HK1: variants seen among roughly 807,000 people sequenced by gnomAD.
The protein encoded by HK1 is hexokinase 1, also known as hexokinase-1.
In HK1, 28 loss-of-function variants were observed where a neutral mutation model predicts 91.6. The observed-to-expected ratio is 0.31, with a 90% CI of 0.23 to 0.42. The LOEUF (loss-of-function observed/expected upper bound fraction) is 0.42, where lower values mean the gene tolerates loss of function less well. Ranked by LOEUF, HK1 falls within the 10% of genes least tolerant of loss-of-function variation. The pLI is 1.00. For synonymous variants in HK1, 430 were observed against 468.1 expected, an observed-to-expected ratio of 0.92 and a Z score of 1.05; for missense variants, 770 against 1,219.8, an observed-to-expected ratio of 0.63 and a Z score of 5.49.
chr10:69,362,849 C>T (rs537133221), intron 3 of HK1, among the ~76,000 whole-genome samples: 5 of 152,204 alleles, frequency 3.3e-5, no homozygotes, highest in Non-Finnish European at 7.3e-5. Flanking sequence ...GCCGGCTTCT[C>T]TGGGGAGGGT....
intron 15 of HK1, 63 bp from the exon 16 acceptor site, chr10:69,394,887 C>T (rs963598452): frequency 2.6e-5 from 40 of 1,553,158 alleles, no homozygotes; most frequent in Non-Finnish European, 3.3e-5. Flanking sequence ...ACCGTGAGAC[C>T]GAGGGGTGAC....
At chr10:69,389,162 C>A in intron 13 of HK1, 35 bp from the exon 14 acceptor site, 2 of 1,513,028 alleles carry the variant, frequency 1.3e-6, no homozygotes, top group Non-Finnish European at 1.8e-6. Flanking sequence ...GCATAGTGAT[C>A]CTATTCCTAA....
At chr10:69,392,374 C>T in intron 15 of HK1, 66 bp downstream of exon 15, 14 of 1,550,216 alleles carry the variant, frequency 9.0e-6, no homozygotes, top group Non-Finnish European at 1.2e-5. Context: ...TGCATTCTGC[C>T]ACTTGCAGTG....
chr10:69,371,894 G>T (rs1850024583), intron 7 of HK1, among the ~76,000 whole-genome samples: 1 of 152,174 alleles, frequency 6.6e-6, no homozygotes, highest in Non-Finnish European at 1.5e-5. Flanking sequence ...ATGAGAAAGT[G>T]AAAGGTTGGG....
At chr10:69,390,908 T>C (rs1318434977) in intron 14 of HK1, among the ~76,000 whole-genome samples, 1 of 152,256 alleles carries the variant, frequency 6.6e-6, no homozygotes, top group African/African-American at 2.4e-5. Flanking sequence ...ATGTCCAGTC[T>C]ATTCAGTGAG....
chr10:69,351,179 T>TTAAATAAATGAA (rs1848846307), intron 2 of HK1, among the ~76,000 whole-genome samples: 2 of 115,030 alleles, frequency 1.7e-5, no homozygotes, highest in South Asian at 7.0e-4. Context: ...CGTCTCAAAA[T>TTAAATAAATGAA]TAAATAAATA....
intron 7 of HK1, among the ~76,000 whole-genome samples, chr10:69,372,857 G>GT (rs139153331): frequency 1.9e-4 from 28 of 149,340 alleles, no homozygotes; most frequent in East Asian, 5.9e-4. Context: ...TTTAACCAGG[G>GT]TTTTTTTTTT....
rs1849898299 is a variant in HK1 at position 69,369,677 on chromosome 10, A to T, written c.875+53A>T. On this transcript the variant is annotated intron_variant, in intron 7 of 17. Coordinates refer to ENST00000359426, the MANE Select transcript of HK1 (RefSeq NM_000188.3). This position sits in a 1 kb window ranked among gnomAD's most constrained non-coding sequence, Gnocchi z 4.4. ...ACATATGTGAGTTAGGGGACATTTG[A>T]TGAAAGATTTGGGATGGGAGATGAA... The T allele has an allele frequency of 6.6e-7, 1 of 1,520,800 alleles. No homozygotes were observed. Among genetic ancestry groups the T allele is most frequent in the Non-Finnish European group, 9.0e-7 (1 of 1,105,718 alleles). The allele number at this position is 1,520,800 out of a possible 1,614,324, so 94.2% of individuals were successfully genotyped here.
rs34547808 is a variant in HK1 at position 69,283,124 on chromosome 10, CAAAAAA to C, written c.-215+437_-215+442del. ...GGGTGACAAGAGCGAAACTCAGTTT[CAAAAAA>C]AAAAAAAAAAAAAAAATGAATGAAG... On this transcript the variant is annotated intron_variant, in intron 2 of 21. Transcript: ENST00000360289. Among the ~76,000 whole-genome samples the C allele has an allele frequency of 2.3e-4, 14 of 60,832 alleles. No individual in the cohort carries two copies. In the East Asian group the frequency reaches 6.5e-3, roughly 28 times the overall value. 39.9% of individuals were successfully genotyped at this position (60,832 alleles called of 152,430 possible).
At chr10:69,390,109 T>C (rs994197979) in intron 14 of HK1, among the ~76,000 whole-genome samples, 8 of 152,204 alleles carry the variant, frequency 5.3e-5, no homozygotes, top group African/African-American at 1.9e-4. Flanking sequence ...CAGGCTGCCT[T>C]CCAGGTGCCA....
intron 4 of HK1, among the ~76,000 whole-genome samples, chr10:69,299,837 C>G (rs552265030): frequency 6.6e-6 from 1 of 151,086 alleles, no homozygotes; most frequent in African/African-American, 2.5e-5. Context: ...ATTTTTTGTA[C>G]TTTTGGTAGA....
At position 69,380,549 on chromosome 10, in the gene HK1, A is replaced by G. The variant is rs1839339809; in HGVS notation, c.1265+454A>G. On this transcript the variant is annotated intron_variant, in intron 9 of 17. Transcript: ENST00000359426. The surrounding 1 kb of genome is among the most constrained non-coding windows in gnomAD (Gnocchi z 4.0). Reference sequence around the variant, plus strand: ...TTTCATCAGGAGGACCTTGGGTCATAGGTGTGGTACCCACATTCTTGTTTC... The same window carrying G: ...TTTCATCAGGAGGACCTTGGGTCATGGGTGTGGTACCCACATTCTTGTTTC... Among the ~76,000 whole-genome samples the G allele has an allele frequency of 6.6e-6, 1 of 152,200 alleles. No homozygotes were observed. The highest frequency in any genetic ancestry group is 6.5e-5 in the Admixed American group (1 of 15,282).
chr10:69,383,684 G>A (rs1055835093), intron 10 of HK1, among the ~76,000 whole-genome samples: 2 of 152,244 alleles, frequency 1.3e-5, no homozygotes, highest in East Asian at 1.9e-4. Flanking sequence ...GATCTCAGAC[G>A]CCCTTCCCCA....
At chr10:69,391,120 G>A (rs1431555159) in intron 14 of HK1, among the ~76,000 whole-genome samples, 1 of 152,206 alleles carries the variant, frequency 6.6e-6, no homozygotes, top group African/African-American at 2.4e-5. Context: ...CATATGTCAG[G>A]TTGCATGTGT....
chr10:69,393,404 C>T (rs1004942640), intron 15 of HK1, among the ~76,000 whole-genome samples: 2 of 151,476 alleles, frequency 1.3e-5, no homozygotes, highest in Admixed American at 1.3e-4. Flanking sequence ...TCAAGTGATT[C>T]TCCTGCCTCA....
chr10:69,373,817 T>C (rs1850146517), intron 7 of HK1, among the ~76,000 whole-genome samples: 1 of 151,976 alleles, frequency 6.6e-6, no homozygotes, highest in African/African-American at 2.4e-5. Context: ...CTCGAACTCC[T>C]GGGCTCAGGT....
chr10:69,306,231 A>G (rs1028679425), intron 5 of HK1, among the ~76,000 whole-genome samples: 20 of 151,432 alleles, frequency 1.3e-4, no homozygotes, highest in African/African-American at 4.8e-4. Flanking sequence ...TGTGGCGGGC[A>G]CCTGTAGTCC....
intron 2 of HK1, among the ~76,000 whole-genome samples, chr10:69,355,827 A>G (rs1849098661): frequency 6.6e-6 from 1 of 152,158 alleles, no homozygotes; most frequent in Non-Finnish European, 1.5e-5. Context: ...AAATAAATGC[A>G]TACATTACGG....
chr10:69,335,756 C>T (rs1847946938), intron 1 of HK1, among the ~76,000 whole-genome samples: 1 of 152,150 alleles, frequency 6.6e-6, no homozygotes, highest in East Asian at 1.9e-4. Context: ...AGGAACGCAC[C>T]CACTTGACAG....
Sources: gnomAD v4.1 joint callset for allele counts (sites outside exome capture counted in the v4.1 genomes callset) on GRCh38, gnomAD v4.1.1 for gene constraint, Gnocchi (gnomAD v3.1) non-coding constraint, MANE v1.5 for transcripts, NCBI Gene and HGNC (gene_info 2026-07-23, HGNC 2026-07-21) for gene names.